TBC1D22A: variants seen among roughly 807,000 people sequenced by gnomAD.
The protein encoded by TBC1D22A is putative GTPase activator.
Under a neutral mutation model 60.2 loss-of-function variants are expected in TBC1D22A, and 38 were observed. The ratio of observed to expected loss-of-function variants is 0.63; its 90% CI spans 0.49 to 0.83. The LOEUF (loss-of-function observed/expected upper bound fraction) is 0.83. Among genes scored for constraint, TBC1D22A ranks in the 40% least tolerant of loss-of-function variants. The probability of loss-of-function intolerance (pLI) is 0.00; values close to 1 mark genes in which losing one functional copy is unlikely to be tolerated. For synonymous variants in TBC1D22A, 302 were observed against 281.7 expected, an observed-to-expected ratio of 1.07 and a Z score of -0.72; for missense variants, 628 against 701.0, an observed-to-expected ratio of 0.90 and a Z score of 1.18.
chr22:46,904,243 C>T lies in TBC1D22A; in HGVS notation c.901-7831C>T, dbSNP rs963069739. 6.0e-5 allele frequency among the ~76,000 whole-genome samples: 9 copies of T among 150,870 alleles called. No homozygotes were observed. In the East Asian group the frequency reaches 1.4e-3, roughly 23 times the overall value. ...TGAAAAAAGAATAAAAAAAAAGGTA[C>T]GATTATTTGATGCAGGGCTTCAGAG... On this transcript the variant is annotated intron_variant, in intron 7 of 12. Transcript: ENST00000337137.
chr22:46,997,606 A>G (rs1569317830), intron 9 of TBC1D22A, 28 bp from the exon 10 acceptor site: 1 of 1,590,728 alleles, frequency 6.3e-7, no homozygotes, highest in Non-Finnish European at 8.6e-7. Flanking sequence ...TTATATGCAT[A>G]TGATTCACAT....
intron 5 of TBC1D22A, among the ~76,000 whole-genome samples, chr22:46,886,530 G>A (rs775406590): frequency 2.0e-5 from 3 of 152,328 alleles, no homozygotes; most frequent in South Asian, 2.1e-4. Flanking sequence ...ATCACGCATC[G>A]TGAACCTTGA....
intron 4 of TBC1D22A, among the ~76,000 whole-genome samples, chr22:46,824,422 G>T (rs1422313593): frequency 6.6e-6 from 1 of 152,170 alleles, no homozygotes; most frequent in East Asian, 1.9e-4. Context: ...TGTGCATGTG[G>T]TCCTTCTCCA....
intron 1 of TBC1D22A, among the ~76,000 whole-genome samples, chr22:46,773,303 C>A (rs564058771): frequency 1.3e-5 from 2 of 152,160 alleles, no homozygotes; most frequent in Non-Finnish European, 2.9e-5. Context: ...AGATGACCCA[C>A]CTGCGTAGTT....
At chr22:46,802,578 C>T (rs2084943580) in intron 4 of TBC1D22A, among the ~76,000 whole-genome samples, 1 of 152,180 alleles carries the variant, frequency 6.6e-6, no homozygotes, top group African/African-American at 2.4e-5. Context: ...GTCCCCAGGG[C>T]TGAGAAGTCC....
intron 10 of TBC1D22A, among the ~76,000 whole-genome samples, chr22:47,003,617 C>T (rs1179203117): frequency 4.2e-5 from 6 of 143,846 alleles, no homozygotes; most frequent in African/African-American, 1.6e-4. Flanking sequence ...TATACACACA[C>T]CCACCAGATA....
rs572520492 is a variant in TBC1D22A at position 47,117,147 on chromosome 22, T to G, written c.1425+5544T>G. ...GCAATGTGAAGTGATTTGGTGAACT[T>G]GGCGCCGCGGGTGGATTGGCAGCTA... On this transcript the variant is annotated intron_variant, in intron 12 of 12. Coordinates refer to ENST00000337137, the MANE Select transcript of TBC1D22A (RefSeq NM_014346.5). 1.0e-4 allele frequency: 16 copies of G among 154,480 alleles called. No individual in the cohort carries two copies. The South Asian group carries it at 2.6e-3, about 26-fold the overall frequency. 9.6% of individuals were successfully genotyped at this position (154,480 alleles called of 1,614,324 possible). A position where few individuals can be genotyped will look rare whatever the true frequency, so the allele number is the denominator to read the frequency against.
chr22:47,126,690 G>A (rs2066470526), intron 12 of TBC1D22A, among the ~76,000 whole-genome samples: 1 of 152,252 alleles, frequency 6.6e-6, no homozygotes, highest in Non-Finnish European at 1.5e-5. Context: ...GACTGGCAGG[G>A]TGTCACCTGC....
chr22:46,853,694 T>G (rs2087412130), intron 4 of TBC1D22A, among the ~76,000 whole-genome samples: 1 of 152,156 alleles, frequency 6.6e-6, no homozygotes. Flanking sequence ...ACGGAGAAAT[T>G]AATTAATTCA....
chr22:46,936,451 C>T (rs1349185687), intron 8 of TBC1D22A, among the ~76,000 whole-genome samples: 1 of 152,198 alleles, frequency 6.6e-6, no homozygotes, highest in Non-Finnish European at 1.5e-5. Flanking sequence ...ACAGGCAGTG[C>T]CCCAAACAGT....
intron 9 of TBC1D22A, among the ~76,000 whole-genome samples, chr22:46,977,570 T>A (rs141105828): frequency 2.4e-3 from 370 of 152,190 alleles, no homozygotes; most frequent in Non-Finnish European, 4.1e-3. Context: ...TCCCGACAAA[T>A]CCCTGGAAAC....
At chr22:47,146,574 C>T (rs186885190) in intron 12 of TBC1D22A, among the ~76,000 whole-genome samples, 114 of 152,366 alleles carry the variant, frequency 7.5e-4, no homozygotes, top group African/African-American at 2.6e-3. Context: ...GCACCGATGC[C>T]GCTCTGTAAT....
intron 11 of TBC1D22A, among the ~76,000 whole-genome samples, chr22:47,067,634 T>A (rs1168046993): frequency 2.6e-5 from 4 of 152,180 alleles, no homozygotes; most frequent in Admixed American, 2.0e-4. Flanking sequence ...TTCGGGTTCA[T>A]CATGGTGGGA....
rs760828519 is a variant in TBC1D22A at position 46,792,558 on chromosome 22, A to C, written c.101A>C (p.Asp34Ala). ...HVYGAQHPPF[D>A]PLLHGTLLRS... ...TATGGTGCCCAGCACCCCCCCTTTG[A>C]TCCACTGTTACATGGCACGTAAGTG... Residue 34 changes from aspartate to alanine, a missense_variant, in exon 2 of 13, where the codon GAT becomes GCT. Coordinates refer to ENST00000337137, the MANE Select transcript of TBC1D22A (RefSeq NM_014346.5). 1 of 1,614,056 alleles carries C rather than the reference A, an allele frequency of 6.2e-7. No individual in the cohort carries two copies. The highest frequency in any genetic ancestry group is 1.1e-5 in the South Asian group (1 of 91,084).
chr22:47,052,604 T>TCCGGGGATGGCC (rs899462801), intron 11 of TBC1D22A, among the ~76,000 whole-genome samples: 3 of 152,128 alleles, frequency 2.0e-5, no homozygotes, highest in Admixed American at 1.3e-4. Flanking sequence ...ACCAAGCTTC[T>TCCGGGGATGGCC]CCGGGGATGG....
intron 9 of TBC1D22A, among the ~76,000 whole-genome samples, chr22:46,979,979 AC>A (rs1252992054): frequency 6.6e-6 from 1 of 152,070 alleles, no homozygotes; most frequent in Non-Finnish European, 1.5e-5. Flanking sequence ...AGATGACCTC[AC>A]AGCAGACGAA....
chr22:47,143,379 A>G (rs539077015), intron 12 of TBC1D22A, among the ~76,000 whole-genome samples: 2 of 152,358 alleles, frequency 1.3e-5, no homozygotes, highest in Admixed American at 1.3e-4. Flanking sequence ...AGGTGTCCCA[A>G]TAGCAGAGGA....
chr22:46,805,162 C>T (rs2085073626), intron 4 of TBC1D22A, among the ~76,000 whole-genome samples: 1 of 152,220 alleles, frequency 6.6e-6, no homozygotes, highest in African/African-American at 2.4e-5. Context: ...TGGAGTCACT[C>T]ATCCTCCTGT....
At chr22:46,925,748 T>C (rs2071012561) in intron 8 of TBC1D22A, among the ~76,000 whole-genome samples, 1 of 152,204 alleles carries the variant, frequency 6.6e-6, no homozygotes, top group South Asian at 2.1e-4. Flanking sequence ...CTACTTTCAA[T>C]AATGGCTAGA....
Sources: gnomAD v4.1 joint callset for allele counts (sites outside exome capture counted in the v4.1 genomes callset) on GRCh38, gnomAD v4.1.1 for gene constraint, MANE v1.5 for transcripts, NCBI Gene and HGNC (gene_info 2026-07-23, HGNC 2026-07-21) for gene names.